The following CNTN1 variants were observed in gnomAD, a reference collection of about 807,000 sequenced individuals.
CNTN1 encodes the protein contactin-1.
Under a neutral mutation model 126.4 loss-of-function variants are expected in CNTN1, and 38 were observed. The observed-to-expected ratio is 0.30, with a 90% CI of 0.23 to 0.39. The LOEUF is 0.39. Among genes scored for constraint, CNTN1 ranks in the 10% least tolerant of loss-of-function variants. The pLI, the probability that CNTN1 is intolerant of heterozygous loss-of-function variation, is 1.00. For synonymous variants in CNTN1, 413 were observed against 422.6 expected (o/e 0.98, Z 0.28); for missense variants, 1,009 against 1,248.4 (o/e 0.81, Z 2.89).
At chr12:40,756,363 T>C (rs1011951046) in intron 1 of CNTN1, among the ~76,000 whole-genome samples, 14 of 152,216 alleles carry the variant, frequency 9.2e-5, no homozygotes, top group South Asian at 2.1e-4. Context: ...AGTGTCCTCA[T>C]TGGTGTAACC....
intron 23 of CNTN1, among the ~76,000 whole-genome samples, chr12:41,045,604 G>A (rs554083161): frequency 3.3e-5 from 5 of 152,026 alleles, no homozygotes; most frequent in African/African-American, 4.8e-5. Context: ...TGGTCCATTC[G>A]ATACTACATT....
At chr12:40,847,816 C>G (rs1942567397) in intron 1 of CNTN1, among the ~76,000 whole-genome samples, 1 of 152,186 alleles carries the variant, frequency 6.6e-6, no homozygotes, top group Non-Finnish European at 1.5e-5. Context: ...GCACCAGGGA[C>G]AGGTTTCATG....
chr12:40,912,281 A>G (rs1945067785), intron 3 of CNTN1, among the ~76,000 whole-genome samples: 1 of 152,138 alleles, frequency 6.6e-6, no homozygotes, highest in Non-Finnish European at 1.5e-5. Context: ...GAGAGCAAAT[A>G]TGAATAAGTT....
chr12:41,029,857 T>C (rs1302961424), intron 23 of CNTN1, among the ~76,000 whole-genome samples: 1 of 152,096 alleles, frequency 6.6e-6, no homozygotes, highest in Non-Finnish European at 1.5e-5. Flanking sequence ...ACTCTATTTC[T>C]CACACCTTTG....
Position 40,754,349 on chromosome 12 carries a change from A to AAGT in CNTN1, c.-77+61757_-77+61758insAGT, listed in dbSNP as rs1938519805. Among the ~76,000 whole-genome samples, 12 of 152,136 alleles carry AAGT rather than the reference A, an allele frequency of 7.9e-5. 1 individual carries two copies. Among genetic ancestry groups the AAGT allele is most frequent in the Admixed American group, 7.2e-4 (11 of 15,258 alleles). On this transcript the variant is annotated intron_variant, in intron 1 of 23. Coordinates refer to ENST00000551295, the MANE Select transcript of CNTN1 (RefSeq NM_001843.4). ...ATGTTCAAGTCCCTTTTATGAAATG[A>AAGT]CATGGTATTTTCATATAACCAATGC...
chr12:40,821,069 T>G (rs1000040311), intron 1 of CNTN1, among the ~76,000 whole-genome samples: 3 of 152,216 alleles, frequency 2.0e-5, no homozygotes, highest in African/African-American at 7.2e-5. Flanking sequence ...GCTCAAAAGT[T>G]CTAAAATAAC....
chr12:40,912,366 T>C (rs182562767), intron 3 of CNTN1, among the ~76,000 whole-genome samples: 1 of 150,904 alleles, frequency 6.6e-6, no homozygotes, highest in Non-Finnish European at 1.5e-5. Flanking sequence ...GATGCTTTTT[T>C]CCACTTGTAG....
intron 1 of CNTN1, among the ~76,000 whole-genome samples, chr12:40,785,119 G>A (rs116461254): frequency 0.012 from 1,807 of 152,256 alleles, 37 homozygotes; most frequent in African/African-American, 0.041. Flanking sequence ...TCAGATATTG[G>A]AAGTATCAGA....
At chr12:41,047,221 G>A (rs910703647) in intron 23 of CNTN1, among the ~76,000 whole-genome samples, 4 of 151,998 alleles carry the variant, frequency 2.6e-5, no homozygotes, top group African/African-American at 7.3e-5. Flanking sequence ...CAGAAACCCA[G>A]GAGTCTCTGA....
intron 1 of CNTN1, among the ~76,000 whole-genome samples, chr12:40,700,785 A>G (rs1941575169): frequency 6.6e-6 from 1 of 152,222 alleles, no homozygotes; most frequent in South Asian, 2.1e-4. Context: ...TTAAAAATTG[A>G]CTTGTGCAAA....
chr12:41,048,114 G>T (rs11179605), intron 23 of CNTN1, among the ~76,000 whole-genome samples: 2 of 151,922 alleles, frequency 1.3e-5, no homozygotes, highest in African/African-American at 4.8e-5. Flanking sequence ...GGCTAAAGGA[G>T]TGGATTAAAT....
intron 6 of CNTN1, 100 bp from the exon 7 acceptor site, chr12:40,929,696 C>T: frequency 1.1e-6 from 1 of 869,634 alleles, no homozygotes; most frequent in South Asian, 1.4e-5. Context: ...CCACAATAGC[C>T]TTTATTAGAT....
intron 6 of CNTN1, among the ~76,000 whole-genome samples, chr12:40,928,827 G>A (rs1163920963): frequency 2.0e-5 from 3 of 152,056 alleles, no homozygotes; most frequent in Non-Finnish European, 2.9e-5. Context: ...CTGAGTTCCC[G>A]AAAGCAAAAT....
At chr12:40,827,549 C>A (rs1941655431) in intron 1 of CNTN1, among the ~76,000 whole-genome samples, 2 of 152,152 alleles carry the variant, frequency 1.3e-5, no homozygotes, top group South Asian at 4.1e-4. Context: ...TTCCTTATAT[C>A]TCACTTATAA....
At chr12:40,933,156 C>T (rs1945955749) in intron 7 of CNTN1, among the ~76,000 whole-genome samples, 1 of 151,844 alleles carries the variant, frequency 6.6e-6, no homozygotes. Context: ...GAGTTCCATG[C>T]AGCACTGATC....
chr12:40,954,489 A>T lies in CNTN1; in HGVS notation c.1684-4625A>T, dbSNP rs146866565. On this transcript the variant is annotated intron_variant, in intron 14 of 23. Transcript: ENST00000551295. ...TCTTATTCTCTGCTTACCTCAAAAA[A>T]AATTTTAATATAAGTAATAAAATAA... Among the ~76,000 whole-genome samples, 368 of 152,240 alleles carry T rather than the reference A, an allele frequency of 2.4e-3. 1 individual carries two copies. Among genetic ancestry groups the T allele is most frequent in the African/African-American group, 8.5e-3 (355 of 41,560 alleles).
intron 1 of CNTN1, among the ~76,000 whole-genome samples, chr12:40,883,848 A>G (rs1943947523): frequency 1.3e-5 from 2 of 151,638 alleles, no homozygotes; most frequent in Admixed American, 6.6e-5. Context: ...TTGTGAGCAT[A>G]TAATATTTTG....
chr12:41,034,812 T>C (rs188237054), intron 23 of CNTN1, among the ~76,000 whole-genome samples: 6 of 152,330 alleles, frequency 3.9e-5, no homozygotes, highest in African/African-American at 1.4e-4. Context: ...CCCAGTTTTG[T>C]AACAAACATG....
chr12:40,979,492 A>C (rs1010659313), intron 15 of CNTN1, among the ~76,000 whole-genome samples: 1 of 152,120 alleles, frequency 6.6e-6, no homozygotes, highest in Admixed American at 6.6e-5. Flanking sequence ...TTAGTATTAC[A>C]TTAATTATGA....
Sources: gnomAD v4.1 joint callset for allele counts (sites outside exome capture counted in the v4.1 genomes callset) on GRCh38, gnomAD v4.1.1 for gene constraint, MANE v1.5 for transcripts, NCBI Gene and HGNC (gene_info 2026-07-23, HGNC 2026-07-21) for gene names.